BABAM2: variants seen among roughly 807,000 people sequenced by gnomAD.
The protein encoded by BABAM2 is BRISC and BRCA1 A complex member 2, also known as BRISC and BRCA1-A complex member 2.
A neutral mutation model predicts 54.7 loss-of-function variants in BABAM2; 31 were observed. The ratio of observed to expected loss-of-function variants is 0.57; its 90% CI spans 0.43 to 0.77. The LOEUF (loss-of-function observed/expected upper bound fraction) is 0.77, where lower values mean the gene tolerates loss of function less well. Among genes scored for constraint, BABAM2 ranks in the 30% least tolerant of loss-of-function variants. BABAM2 has a pLI of 0.00. For missense variants in BABAM2, 364 were observed against 455.8 expected (o/e 0.80, Z 1.83); for synonymous variants, 167 against 162.9 (o/e 1.03, Z -0.19).
intron 4 of BABAM2, among the ~76,000 whole-genome samples, chr2:27,990,701 C>A (rs1672718669): frequency 1.3e-4 from 19 of 151,634 alleles, no homozygotes; most frequent in Admixed American, 1.2e-3. Context: ...CTGTAATATA[C>A]CTGTATTTTT....
chr2:28,032,275 T>C (rs1676350761), intron 5 of BABAM2, among the ~76,000 whole-genome samples: 1 of 152,184 alleles, frequency 6.6e-6, no homozygotes, highest in Non-Finnish European at 1.5e-5. Context: ...TCTAAAAGTA[T>C]GAGGCTTTGA....
intron 6 of BABAM2, among the ~76,000 whole-genome samples, chr2:28,074,057 A>G (rs1218709262): frequency 6.6e-6 from 1 of 152,146 alleles, no homozygotes; most frequent in Admixed American, 6.5e-5. Context: ...ATATATACAT[A>G]TTTGTAACTC....
At chr2:28,068,995 T>G (rs938730261) in intron 6 of BABAM2, among the ~76,000 whole-genome samples, 3 of 152,188 alleles carry the variant, frequency 2.0e-5, no homozygotes, top group African/African-American at 2.4e-5. Context: ...TTTTCACTTT[T>G]CAGGATAATG....
intron 6 of BABAM2, 41 bp from the exon 7 acceptor site, chr2:28,129,230 G>C (rs773078705): frequency 6.5e-7 from 1 of 1,536,946 alleles, no homozygotes; most frequent in East Asian, 2.2e-5. Context: ...AAGATGTTAG[G>C]AGAACAGGTG....
At chr2:28,318,225 TCTC>T (rs1485931258) in intron 11 of BABAM2, among the ~76,000 whole-genome samples, 1 of 152,096 alleles carries the variant, frequency 6.6e-6, no homozygotes, top group African/African-American at 2.4e-5. Flanking sequence ...CCTCATCTCT[TCTC>T]CTCTGTACAA....
rs1245445185 is a variant in BABAM2, at chr2:28,292,981, A to C, written c.935-5357A>C. 2.0e-5 allele frequency among the ~76,000 whole-genome samples: 3 copies of C among 152,308 alleles called. No individual in the cohort carries two copies. The East Asian group carries it at 5.8e-4, about 29-fold the overall frequency. Reference sequence around the variant, plus strand: ...TTACTATATGGTGATAGCTTAAGTGACAGCTGGGATGTATGGAGCTTTTTG... The same window carrying C: ...TTACTATATGGTGATAGCTTAAGTGCCAGCTGGGATGTATGGAGCTTTTTG... On this transcript the variant is annotated intron_variant, in intron 10 of 11. Transcript: ENST00000379624.
At chr2:28,011,641 T>A (rs1674406454) in intron 4 of BABAM2, among the ~76,000 whole-genome samples, 1 of 152,168 alleles carries the variant, frequency 6.6e-6, no homozygotes. Context: ...ACTAGGGAAG[T>A]CATCTAGGGC....
At chr2:28,003,758 G>A (rs1429595636) in intron 4 of BABAM2, among the ~76,000 whole-genome samples, 2 of 152,074 alleles carry the variant, frequency 1.3e-5, no homozygotes, top group Non-Finnish European at 2.9e-5. Context: ...AAACTGATAA[G>A]TACCTGTCTC....
rs141300495 is a variant in BABAM2, at chr2:28,085,478, C to T, written c.570+39679C>T. Among the ~76,000 whole-genome samples, 145 of 152,092 alleles carry T rather than the reference C, an allele frequency of 9.5e-4. 3 individuals are homozygous for T. The East Asian group carries it at 0.012, about 13-fold the overall frequency. On this transcript the variant is annotated intron_variant, in intron 6 of 11. Coordinates refer to ENST00000379624, the MANE Select transcript of BABAM2 (RefSeq NM_199191.3). The stretch of plus-strand genomic sequence containing the variant: ...TCATGCTGACCTGTGTAGACGGAGA[C>T]GTAAAATTTGCCTATGTGGTCAACT...
chr2:28,267,438 TACACACAC>T (rs35450423), intron 10 of BABAM2, among the ~76,000 whole-genome samples: 2,699 of 141,828 alleles, frequency 0.019, 40 homozygotes, highest in South Asian at 0.057. Flanking sequence ...CACACACACA[TACACACAC>T]ACACACACAC....
At chr2:28,321,328 C>T (rs139168069) in intron 11 of BABAM2, among the ~76,000 whole-genome samples, 3 of 152,286 alleles carry the variant, frequency 2.0e-5, no homozygotes, top group African/African-American at 7.2e-5. Context: ...ACTCGAAAAT[C>T]CATGTTCTTC....
intron 7 of BABAM2, among the ~76,000 whole-genome samples, chr2:28,216,978 A>C (rs11677458): frequency 6.6e-6 from 1 of 152,004 alleles, no homozygotes; most frequent in Non-Finnish European, 1.5e-5. Flanking sequence ...ACCTCTTTAC[A>C]TGTTTGGCTC....
At chr2:28,130,070 G>A (rs866688389) in intron 7 of BABAM2, among the ~76,000 whole-genome samples, 2 of 152,188 alleles carry the variant, frequency 1.3e-5, no homozygotes, top group African/African-American at 4.8e-5. Flanking sequence ...ATTGAAAATG[G>A]ATTATAAGCA....
At chr2:28,101,476 G>C (rs1463346315) in intron 6 of BABAM2, among the ~76,000 whole-genome samples, 1 of 152,138 alleles carries the variant, frequency 6.6e-6, no homozygotes, top group Non-Finnish European at 1.5e-5. Context: ...TAATTTTAAT[G>C]CTCCTCTGCC....
intron 6 of BABAM2, among the ~76,000 whole-genome samples, chr2:28,114,786 T>G (rs2148735789): frequency 6.6e-6 from 1 of 152,330 alleles, no homozygotes; most frequent in African/African-American, 2.4e-5. Context: ...GATCCAAATT[T>G]TCCTCCTATT....
At chr2:28,296,682 A>T (rs1337549883) in intron 10 of BABAM2, among the ~76,000 whole-genome samples, 1 of 152,010 alleles carries the variant, frequency 6.6e-6, no homozygotes, top group Non-Finnish European at 1.5e-5. Context: ...TCTAGCATGT[A>T]TTTTTATTTA....
At chr2:28,202,960 A>AC (rs977755527) in intron 7 of BABAM2, among the ~76,000 whole-genome samples, 4 of 151,372 alleles carry the variant, frequency 2.6e-5, no homozygotes, top group Admixed American at 6.6e-5. Context: ...TGTGTCCTCC[A>AC]CCCCCCCACA....
chr2:28,151,235 C>T (rs1672003943), intron 7 of BABAM2, among the ~76,000 whole-genome samples: 1 of 152,156 alleles, frequency 6.6e-6, no homozygotes, highest in Non-Finnish European at 1.5e-5. Context: ...CCTACATGCT[C>T]CAGCCAGACC....
intron 10 of BABAM2, among the ~76,000 whole-genome samples, chr2:28,296,450 C>A (rs866588965): frequency 6.6e-6 from 1 of 152,102 alleles, no homozygotes; most frequent in South Asian, 2.1e-4. Flanking sequence ...TCTGTAGAAA[C>A]CCCCTGCAGC....
Sources: gnomAD v4.1 joint callset for allele counts (sites outside exome capture counted in the v4.1 genomes callset) on GRCh38, gnomAD v4.1.1 for gene constraint, MANE v1.5 for transcripts, NCBI Gene and HGNC (gene_info 2026-07-23, HGNC 2026-07-21) for gene names.